The following TGM5 variants were observed in gnomAD, a reference collection of about 807,000 sequenced individuals.
TGM5 encodes transglutaminase 5.
A neutral mutation model predicts 77.2 loss-of-function variants in TGM5; 69 were observed. The ratio of observed to expected loss-of-function variants is 0.89; its 90% CI spans 0.74 to 1.09. TGM5 has a LOEUF of 1.09. Ranked by LOEUF, TGM5 falls within the 50% of genes least tolerant of loss-of-function variation. The pLI is 0.00. For synonymous variants in TGM5, 346 were observed against 351.8 expected (o/e 0.98, Z 0.18); for missense variants, 842 against 896.5 (o/e 0.94, Z 0.78).
chr15:43,261,085 T>TGTTTG, intron 1 of TGM5, among the ~76,000 whole-genome samples: 1 of 119,172 alleles, frequency 8.4e-6, no homozygotes, highest in Non-Finnish European at 1.7e-5. Flanking sequence ...TGTTTTTTTT[T>TGTTTG]TTTTTTTTTT....
chr15:43,235,037 A>C, intron 10 of TGM5, 108 bp from the exon 11 acceptor site: 1 of 1,403,980 alleles, frequency 7.1e-7, no homozygotes, highest in Non-Finnish European at 9.8e-7. Context: ...ACAAGTACCA[A>C]ATCCCAGGGA....
At chr15:43,265,181 G>C (rs2142388614) in intron 1 of TGM5, among the ~76,000 whole-genome samples, 1 of 152,254 alleles carries the variant, frequency 6.6e-6, no homozygotes, top group South Asian at 2.1e-4. Flanking sequence ...AGAAAATCAA[G>C]GTTCAGGTGG....
chr15:43,253,249 A>T (rs777684986), intron 5 of TGM5, among the ~76,000 whole-genome samples: 1 of 152,200 alleles, frequency 6.6e-6, no homozygotes, highest in Non-Finnish European at 1.5e-5. Context: ...TTTAGAAACA[A>T]CAAGACCATT....
chr15:43,258,789 G>T (rs926626624), intron 3 of TGM5, among the ~76,000 whole-genome samples: 1 of 152,200 alleles, frequency 6.6e-6, no homozygotes, highest in African/African-American at 2.4e-5. Context: ...GGGCCTGGGT[G>T]TGGCACAAGC....
In TGM5 at chr15:43,259,237, A is replaced by G. The variant is rs183265601; in HGVS notation, c.436+815T>C. Among the ~76,000 whole-genome samples, 9 of 152,180 alleles carry G rather than the reference A, an allele frequency of 5.9e-5. No individual in the cohort carries two copies. The East Asian group carries it at 1.4e-3, about 23-fold the overall frequency. ...GCCTATGTATCTAGCCCTGTCCCCAACTAGATTTAGAGGTCAGGGCTTGTG... is the reference window on the plus strand; with the variant it reads ...GCCTATGTATCTAGCCCTGTCCCCAGCTAGATTTAGAGGTCAGGGCTTGTG... On this transcript the variant is annotated intron_variant, in intron 3 of 12. Transcript: ENST00000220420.
rs760926355 is a variant in TGM5 at position 43,253,643 on chromosome 15, G to T, written c.556-9C>A. Reference sequence around the variant, plus strand: ...ATGATTTTGTCTTCAAACTTCGGGGGGAGAGGCAGAGAGGGAAGGCACCCA... The same window carrying T: ...ATGATTTTGTCTTCAAACTTCGGGGTGAGAGGCAGAGAGGGAAGGCACCCA... On this transcript the variant is annotated splice_polypyrimidine_tract_variant and intron_variant, in intron 4 of 12. Transcript: ENST00000220420. 1.9e-6 allele frequency: 3 copies of T among 1,611,904 alleles called. No homozygotes were observed. In the South Asian group the frequency reaches 3.3e-5, roughly 18 times the overall value.
chr15:43,243,680 C>G (rs970469176), intron 6 of TGM5, among the ~76,000 whole-genome samples: 1 of 152,218 alleles, frequency 6.6e-6, no homozygotes, highest in Admixed American at 6.5e-5. Context: ...CTCATCCCGA[C>G]TATGGCTTTC....
At chr15:43,253,024 G>A in intron 5 of TGM5, 88 bp from the exon 6 acceptor site, 2 of 1,416,378 alleles carry the variant, frequency 1.4e-6, no homozygotes, top group Middle Eastern at 1.8e-4. Context: ...CCATGGGCCT[G>A]AGAAACAGAG....
chr15:43,245,523 T>C (rs920845435), intron 6 of TGM5, among the ~76,000 whole-genome samples: 3 of 152,160 alleles, frequency 2.0e-5, no homozygotes, highest in Non-Finnish European at 4.4e-5. Flanking sequence ...TTTGTTTCCT[T>C]AATAGTACCT....
chr15:43,250,522 A>G (rs571020490), intron 6 of TGM5, among the ~76,000 whole-genome samples: 18 of 152,348 alleles, frequency 1.2e-4, no homozygotes, highest in Non-Finnish European at 2.2e-4. Context: ...AGTGCCTGGC[A>G]CAAAGGAAGT....
chr15:43,259,301 T>TAGA (rs1231611115), intron 3 of TGM5, among the ~76,000 whole-genome samples: 4 of 150,548 alleles, frequency 2.7e-5, no homozygotes, highest in South Asian at 2.1e-4. Flanking sequence ...ACTTTGTCTA[T>TAGA]AGAAGAAGAA....
At chr15:43,238,053 G>A (rs2042603191) in intron 9 of TGM5, among the ~76,000 whole-genome samples, 1 of 152,126 alleles carries the variant, frequency 6.6e-6, no homozygotes, top group African/African-American at 2.4e-5. Flanking sequence ...GGGAATTCTG[G>A]AGCCTCCCTG....
rs1490534377 is a variant in TGM5, at chr15:43,233,025, T to G, written c.*166A>C. ...TCTTTGCCCTCATGGAGCTTAAATT[T>G]CTAGTGGAGTCAGGAGAGACAGAAA... On this transcript the variant is annotated 3_prime_UTR_variant, in exon 13 of 13. Coordinates refer to ENST00000220420, the MANE Select transcript of TGM5 (RefSeq NM_201631.4). The G allele has an allele frequency of 1.2e-6, 1 of 831,648 alleles. No individual in the cohort carries two copies. 51.5% of individuals were successfully genotyped at this position (831,648 alleles called of 1,614,324 possible). A position where few individuals can be genotyped will look rare whatever the true frequency, so the allele number is the denominator to read the frequency against.
intron 4 of TGM5, among the ~76,000 whole-genome samples, chr15:43,256,357 CTTG>C (rs1161563745): frequency 1.3e-5 from 2 of 152,172 alleles, no homozygotes; most frequent in Non-Finnish European, 2.9e-5. Context: ...ACCCTTAGCT[CTTG>C]TTGTCCAAAT....
chr15:43,259,423 A>G (rs2042768687), intron 3 of TGM5, among the ~76,000 whole-genome samples: 1 of 152,154 alleles, frequency 6.6e-6, no homozygotes, highest in African/African-American at 2.4e-5. Flanking sequence ...CTCCGATAGG[A>G]AAATGTGCCC....
At chr15:43,248,693 G>C (rs545627127) in intron 6 of TGM5, among the ~76,000 whole-genome samples, 32 of 152,312 alleles carry the variant, frequency 2.1e-4, no homozygotes, top group South Asian at 8.3e-4. Flanking sequence ...TTTGTGTTTA[G>C]TCCAGGGCAC....
chr15:43,250,115 TTAGCACATGGC>T, intron 6 of TGM5, among the ~76,000 whole-genome samples: 1 of 152,316 alleles, frequency 6.6e-6, no homozygotes, highest in South Asian at 2.1e-4. Flanking sequence ...GGCCTGATGG[TTAGCACATGGC>T]TTACAGAGCC....
chr15:43,257,988 A>G (rs1253489263), intron 3 of TGM5, among the ~76,000 whole-genome samples: 1 of 152,220 alleles, frequency 6.6e-6, no homozygotes, highest in African/African-American at 2.4e-5. Context: ...ACGTAAGACC[A>G]AACACCACAT....
intron 1 of TGM5, among the ~76,000 whole-genome samples, chr15:43,264,761 A>G (rs1005042260): frequency 3.3e-5 from 5 of 152,234 alleles, no homozygotes; most frequent in African/African-American, 1.2e-4. Flanking sequence ...GCTGAACTTG[A>G]TGGTATATGA....
Sources: allele counts gnomAD v4.1 joint callset (sites outside exome capture counted in the v4.1 genomes callset), GRCh38; gene constraint gnomAD v4.1.1; transcripts MANE v1.5; gene names NCBI Gene and HGNC (gene_info 2026-07-23, HGNC 2026-07-21).